Variants in ADCY4 observed in about 807,000 individuals in gnomAD.
The protein encoded by ADCY4 is adenylate cyclase type 4.
In ADCY4, 111 loss-of-function variants were observed where a neutral mutation model predicts 125.5. The observed-to-expected ratio is 0.88, with a 90% CI of 0.76 to 1.04. The LOEUF (loss-of-function observed/expected upper bound fraction) is 1.04. ADCY4 is among the 50% of genes least tolerant of loss of function. The pLI, the probability that ADCY4 is intolerant of heterozygous loss-of-function variation, is 0.00. For synonymous variants in ADCY4, 576 were observed against 586.9 expected, an observed-to-expected ratio of 0.98 and a Z score of 0.27; for missense variants, 1,256 against 1,382.9, an observed-to-expected ratio of 0.91 and a Z score of 1.46.
chr14:24,320,058 A>G (rs181951056), intron 20 of ADCY4, among the ~76,000 whole-genome samples, 170 bp from the exon 21 acceptor site: 4 of 152,258 alleles, frequency 2.6e-5, no homozygotes, highest in African/African-American at 7.2e-5. Flanking sequence ...GTGACTTAGG[A>G]GTCAAAGCTT....
At chr14:24,326,264 C>T in intron 11 of ADCY4, 35 bp downstream of exon 11, 6 of 1,614,012 alleles carry the variant, frequency 3.7e-6, no homozygotes, top group Non-Finnish European at 4.2e-6. Flanking sequence ...GTCATCCAGA[C>T]AGCCCCACTG....
rs1386786065 is a variant in ADCY4, at chr14:24,319,918, T to G, written c.2587-30A>C. 1 of 1,608,978 alleles carries G rather than the reference T, an allele frequency of 6.2e-7. No individual in the cohort carries two copies. Among genetic ancestry groups the G allele is most frequent in the African/African-American group, 1.3e-5 (1 of 74,578 alleles). On this transcript the variant is annotated intron_variant, in intron 20 of 24. Transcript: ENST00000418030. This position sits in a 1 kb window ranked among gnomAD's most constrained non-coding sequence, Gnocchi z 4.5. ...GGGAACAGGAGACTGGAGTGAGGGGTGTGTGTCATGTTCCTCTCCCTTCTA... is the reference window on the plus strand; with the variant it reads ...GGGAACAGGAGACTGGAGTGAGGGGGGTGTGTCATGTTCCTCTCCCTTCTA...
At position 24,329,115 on chromosome 14, in the gene ADCY4, A is replaced by G. The variant is rs1255511326; in HGVS notation, c.1470T>C (p.Pro490=). ...TGTCTCCGTGGCTCAGGTGGGCAAA[A>G]GGCTTGGCTGCGCCCCAGGACTCCA... ...RYLESWGAAK[P]FAHLSHGDSP... Residue 490 remains proline, a synonymous_variant, in exon 10 of 25, where the codon CCT becomes CCC. Transcript: ENST00000418030. 6.2e-7 allele frequency: 1 copy of G among 1,613,864 alleles called. No individual in the cohort carries two copies. The highest frequency in any genetic ancestry group is 8.5e-7 in the Non-Finnish European group (1 of 1,179,886).
intron 10 of ADCY4, among the ~76,000 whole-genome samples, chr14:24,327,729 T>A (rs1192525122): frequency 6.6e-6 from 1 of 151,260 alleles, no homozygotes; most frequent in East Asian, 1.9e-4. Flanking sequence ...AAGTGGGGGG[T>A]CCAACTGCCT....
At chr14:24,318,987 C>G in intron 23 of ADCY4, 111 bp downstream of exon 23, 1 of 1,451,636 alleles carries the variant, frequency 6.9e-7, no homozygotes, top group Non-Finnish European at 9.5e-7. Context: ...GGGAGTGAGT[C>G]AGGAAAGGGG....
At chr14:24,332,718 T>C in intron 2 of ADCY4, 35 bp from the exon 3 acceptor site, 1 of 1,566,910 alleles carries the variant, frequency 6.4e-7, no homozygotes, top group Non-Finnish European at 8.7e-7. Flanking sequence ...AAGGCCCAAG[T>C]GGGGCTATTC....
In ADCY4 at chr14:24,322,119, C is replaced by T. The variant is rs757514372; in HGVS notation, c.2533G>A (p.Val845Met). Residue 845 changes from valine to methionine, a missense_variant, in exon 20 of 25, where the codon GTG (valine) becomes ATG (methionine). Val to Met is a conservative substitution (Grantham distance 21, BLOSUM62 1). Transcript: ENST00000418030. The stretch of plus-strand genomic sequence containing the variant: ...TGGGGGGCCACGTGTGCAGGGAGCA[C>T]GTTCTCCAAGAGCAGCCGAGTCAGG... ...ENLTRLLLEN[V>M]LPAHVAPQFI... The T allele has an allele frequency of 1.2e-5, 20 of 1,614,112 alleles. No individual in the cohort carries two copies. Among genetic ancestry groups the T allele is most frequent in the South Asian group, 8.8e-5 (8 of 91,082 alleles).
In ADCY4 at chr14:24,334,901, C is replaced by T. The variant is rs2332323; in HGVS notation, c.-249G>A. ...CCCTCAAACCCGGATTGTAGAGGTGCCCTAGAAAAGCCTCATCGCCAGGAG... is the reference window on the plus strand; with the variant it reads ...CCCTCAAACCCGGATTGTAGAGGTGTCCTAGAAAAGCCTCATCGCCAGGAG... On this transcript the variant is annotated 5_prime_UTR_variant, in exon 1 of 25. Transcript: ENST00000418030. The T allele has an allele frequency of 0.48, 215,963 of 448,706 alleles. 58,425 individuals carry two copies. The highest frequency in any genetic ancestry group is 0.59 in the Middle Eastern group (1,039 of 1,752). 27.8% of individuals were successfully genotyped at this position (448,706 alleles called of 1,614,324 possible). A position where few individuals can be genotyped will look rare whatever the true frequency, so the allele number is the denominator to read the frequency against.
chr14:24,328,791 C>A (rs882726), intron 10 of ADCY4: 98,168 of 443,300 alleles, frequency 0.22, 12,209 homozygotes, highest in Admixed American at 0.35. Flanking sequence ...GGGAGAGACC[C>A]ACCGACCCTG....
In ADCY4 at chr14:24,319,233, C is replaced by G; in HGVS notation, c.2842-21G>C. The G allele has an allele frequency of 6.2e-7, 1 of 1,613,072 alleles. No individual in the cohort carries two copies. The highest frequency in any genetic ancestry group is 1.7e-5 in the Admixed American group (1 of 60,010). On this transcript the variant is annotated intron_variant, in intron 22 of 24. Coordinates refer to ENST00000418030, the MANE Select transcript of ADCY4 (RefSeq NM_001198568.2). The surrounding 1 kb of genome is among the most constrained non-coding windows in gnomAD (Gnocchi z 4.5). ...GCATCCTGGCAATGGGCCCGCCCAC[C>G]AGGGTGGGCCAGTGAGGGCACAGGA... is the stretch of plus-strand genomic sequence containing the variant.
rs767502998 is a variant in ADCY4 at position 24,322,073 on chromosome 14, C to T, written c.2579G>A (p.Arg860His). 1.8e-5 allele frequency: 29 copies of T among 1,611,786 alleles called. No homozygotes were observed. The highest frequency in any genetic ancestry group is 4.5e-5 in the East Asian group (2 of 44,856). The change falls in exon 20 of 25, where the codon CGC (arginine) becomes CAC (histidine). Residue 860 changes from arginine (R) to histidine (H), a missense_variant. Physicochemically the swap from Arg to His is conservative, Grantham distance 29 (BLOSUM62 0). Transcript: ENST00000418030. ...CAGGGGGTCAGGAGTCACCTCGTTGCGCCGGTTCTGGCCAATGAACTGGGG... is the reference window on the plus strand; with the variant it reads ...CAGGGGGTCAGGAGTCACCTCGTTGTGCCGGTTCTGGCCAATGAACTGGGG... ...VAPQFIGQNRRNEDLYHQSYE... is the reference protein window; with the variant it reads ...VAPQFIGQNRHNEDLYHQSYE...
chr14:24,324,947 AC>A (rs2041918922), intron 14 of ADCY4, among the ~76,000 whole-genome samples: 2 of 152,050 alleles, frequency 1.3e-5, no homozygotes, highest in Middle Eastern at 6.8e-3. Flanking sequence ...CAGGTGATCC[AC>A]CTGCCTCAGC....
In ADCY4 at chr14:24,331,231, A is replaced by G. The variant is rs370063784; in HGVS notation, c.795T>C (p.Tyr265=). The change falls in exon 5 of 25, where the codon TAT becomes TAC. Residue 265 remains tyrosine, a synonymous_variant. Transcript: ENST00000418030. ...PESTNNFHSL[Y]VKRHQGVSVL... ...ACCTGACTCCCTGGTGCCTCTTGAC[A>G]TAGAGGCTGTGGAAATTGTTAGTGC... is the stretch of plus-strand genomic sequence containing the variant. 3 of 1,614,014 alleles carry G rather than the reference A, an allele frequency of 1.9e-6. No homozygotes were observed. In the African/African-American group the frequency reaches 4.0e-5, roughly 22 times the overall value.
At position 24,319,651 on chromosome 14, in the gene ADCY4, T is replaced by C; in HGVS notation, c.2733+91A>G. The C allele has an allele frequency of 2.6e-6, 4 of 1,542,356 alleles. No homozygotes were observed. Among genetic ancestry groups the C allele is most frequent in the Non-Finnish European group, 3.6e-6 (4 of 1,122,446 alleles). ...GAGTACTGTGGAGGGGAGGATTGAC[T>C]TCATGGCCAGAAAAGCAAAGTGGAA... On this transcript the variant is annotated intron_variant, in intron 21 of 24. Transcript: ENST00000418030. This position sits in a 1 kb window ranked among gnomAD's most constrained non-coding sequence, Gnocchi z 4.5.
At chr14:24,324,503 G>T in intron 14 of ADCY4, 112 bp from the exon 15 acceptor site, 1 of 1,294,728 alleles carries the variant, frequency 7.7e-7, no homozygotes, top group Non-Finnish European at 1.1e-6. Flanking sequence ...GGGGAATCTG[G>T]GTTGGCTGGC....
intron 6 of ADCY4, 119 bp downstream of exon 6, chr14:24,330,899 G>A (rs1367627255): frequency 1.2e-6 from 1 of 815,930 alleles, no homozygotes; most frequent in Non-Finnish European, 1.9e-6. Context: ...GGAATATCTG[G>A]GGGCCTGCAT....
chr14:24,322,492 G>C (rs958876714), intron 19 of ADCY4, 132 bp downstream of exon 19: 3 of 1,012,800 alleles, frequency 3.0e-6, no homozygotes, highest in Non-Finnish European at 4.3e-6. Context: ...GAGTGAAGGA[G>C]AAGAAAGGAA....
In ADCY4 at chr14:24,332,969, C is replaced by G. The variant is rs2139228075; in HGVS notation, c.179G>C (p.Ser60Thr). 2 of 1,552,816 alleles carry G rather than the reference C, an allele frequency of 1.3e-6. No individual in the cohort carries two copies. The highest frequency in any genetic ancestry group is 4.5e-5 in the East Asian group (2 of 43,962). The change falls in exon 2 of 25, where the codon AGC (serine) becomes ACC (threonine). Residue 60 changes from serine (S) to threonine (T), a missense_variant. Ser to Thr is a moderately conservative substitution (Grantham distance 58). Transcript: ENST00000418030. ...CGCGCACAGCACAGTGGTCAGGAAG[C>G]TCGGGTCTGAGGTCAGCTCCTGTGG... ...ASGRELTSDP[S>T]FLTTVLCALG...
intron 3 of ADCY4, 126 bp from the exon 4 acceptor site, chr14:24,332,063 C>G: frequency 8.2e-7 from 1 of 1,224,780 alleles, no homozygotes; most frequent in East Asian, 2.9e-5. Context: ...TATTGTGGGA[C>G]AAGTGGTGCC....
Sources: allele counts gnomAD v4.1 joint callset (sites outside exome capture counted in the v4.1 genomes callset), GRCh38; gene constraint gnomAD v4.1.1; non-coding constraint Gnocchi (gnomAD v3.1); transcripts MANE v1.5; gene names NCBI Gene and HGNC (gene_info 2026-07-23, HGNC 2026-07-21).